KCNH7: variants seen among roughly 807,000 people sequenced by gnomAD.
The protein encoded by KCNH7 is voltage-gated inwardly rectifying potassium channel KCNH7.
Under a neutral mutation model 120.8 loss-of-function variants are expected in KCNH7, and 49 were observed. The ratio of observed to expected loss-of-function variants is 0.41; its 90% CI spans 0.32 to 0.51. The LOEUF is 0.51. Ranked by LOEUF, KCNH7 falls within the 20% of genes least tolerant of loss-of-function variation. The probability of loss-of-function intolerance (pLI) is 0.38; values close to 1 mark genes in which losing one functional copy is unlikely to be tolerated. For missense variants in KCNH7, 1,097 were observed against 1,446.6 expected (o/e 0.76, Z 3.92); for synonymous variants, 547 against 516.1 (o/e 1.06, Z -0.81).
chr2:162,439,032 A>G (rs747388577), intron 7 of KCNH7, among the ~76,000 whole-genome samples: 6 of 152,086 alleles, frequency 3.9e-5, no homozygotes, highest in Non-Finnish European at 8.8e-5. Flanking sequence ...CAACTACTCT[A>G]TTATATTGTG....
intron 9 of KCNH7, among the ~76,000 whole-genome samples, chr2:162,410,029 C>T (rs939784946): frequency 6.6e-6 from 1 of 151,938 alleles, no homozygotes; most frequent in African/African-American, 2.4e-5. Flanking sequence ...AGATTCAATG[C>T]CATTCCTGTC....
chr2:162,604,411 T>C (rs908523227), intron 2 of KCNH7, among the ~76,000 whole-genome samples: 1 of 152,118 alleles, frequency 6.6e-6, no homozygotes, highest in Non-Finnish European at 1.5e-5. Flanking sequence ...TTATAGACTA[T>C]TGCCATTCTA....
intron 8 of KCNH7, among the ~76,000 whole-genome samples, chr2:162,434,113 G>C (rs2105518413): frequency 6.6e-6 from 1 of 152,198 alleles, no homozygotes; most frequent in South Asian, 2.1e-4. Context: ...ATTATCCTAA[G>C]TGAATTAATA....
intron 2 of KCNH7, among the ~76,000 whole-genome samples, chr2:162,546,140 A>G (rs1309748798): frequency 6.6e-6 from 1 of 152,140 alleles, no homozygotes; most frequent in African/African-American, 2.4e-5. Context: ...CCCACTTCTC[A>G]GCTCTGGTTC....
At chr2:162,759,883 T>G (rs1440059925) in intron 2 of KCNH7, among the ~76,000 whole-genome samples, 1 of 152,176 alleles carries the variant, frequency 6.6e-6, no homozygotes, top group Non-Finnish European at 1.5e-5. Flanking sequence ...TGTTCTCAAC[T>G]TCACAAAAAT....
intron 2 of KCNH7, among the ~76,000 whole-genome samples, chr2:162,605,221 T>A (rs978648501): frequency 2.6e-5 from 4 of 152,092 alleles, no homozygotes; most frequent in African/African-American, 9.7e-5. Context: ...TCTTTCTTCA[T>A]CCTGTAGTGG....
At chr2:162,702,960 A>C (rs1009001939) in intron 2 of KCNH7, among the ~76,000 whole-genome samples, 1 of 152,152 alleles carries the variant, frequency 6.6e-6, no homozygotes, top group Admixed American at 6.6e-5. Flanking sequence ...CCCCAAGTGC[A>C]CTAGATCTTG....
intron 3 of KCNH7, among the ~76,000 whole-genome samples, chr2:162,520,514 C>T (rs1691483375): frequency 6.6e-6 from 1 of 151,716 alleles, no homozygotes; most frequent in African/African-American, 2.4e-5. Context: ...AATGCCAGCA[C>T]TTCGTGAAGA....
At chr2:162,815,171 T>G (rs1324464512) in intron 2 of KCNH7, among the ~76,000 whole-genome samples, 3 of 152,208 alleles carry the variant, frequency 2.0e-5, no homozygotes, top group Non-Finnish European at 4.4e-5. Flanking sequence ...ATGTTCAGTA[T>G]AAAGGAGAAG....
chr2:162,656,170 T>C (rs1684753619), intron 2 of KCNH7, among the ~76,000 whole-genome samples: 2 of 152,236 alleles, frequency 1.3e-5, no homozygotes, highest in Admixed American at 6.5e-5. Context: ...AGCTAGTCTG[T>C]TGTAAATACT....
rs1491184509 is a variant in KCNH7 at position 162,479,672 on chromosome 2, CAT to C, written c.1128+24769_1128+24770del. ...CATTAGGAAATTGTGTGTGTGTGTG[CAT>C]GTGTGTGTGTGTGTGTGTGTGTGTG... On this transcript the variant is annotated intron_variant, in intron 6 of 15. Transcript: ENST00000332142. Among the ~76,000 whole-genome samples the C allele has an allele frequency of 5.7e-4, 62 of 108,194 alleles. 1 individual carries two copies. The highest frequency in any genetic ancestry group is 1.7e-3 in the African/African-American group (37 of 21,510). The allele number at this position is 108,194 out of a possible 152,430, so 71.0% of individuals were successfully genotyped here.
At chr2:162,767,554 TA>T in intron 2 of KCNH7, among the ~76,000 whole-genome samples, 1 of 152,270 alleles carries the variant, frequency 6.6e-6, no homozygotes, top group African/African-American at 2.4e-5. Flanking sequence ...AATTATGATG[TA>T]AATTTTAAAG....
intron 12 of KCNH7, among the ~76,000 whole-genome samples, chr2:162,391,235 T>C (rs968839608): frequency 1.3e-5 from 2 of 152,106 alleles, no homozygotes; most frequent in African/African-American, 4.8e-5. Flanking sequence ...TCAGTTTCTG[T>C]ATCCACAAAT....
At position 162,708,342 on chromosome 2, in the gene KCNH7, T is replaced by C. The variant is rs116725805; in HGVS notation, c.307+128195A>G. Among the ~76,000 whole-genome samples the C allele has an allele frequency of 9.5e-3, 1,449 of 152,146 alleles. 25 individuals carry two copies. The highest frequency in any genetic ancestry group is 0.033 in the African/African-American group (1,379 of 41,534). ...AGTAAAGCTAAGGTGGGTTTATTTG[T>C]AGGCCAGGGAATATGAGGTAGGGAC... On this transcript the variant is annotated intron_variant, in intron 2 of 15. Transcript: ENST00000332142.
intron 2 of KCNH7, among the ~76,000 whole-genome samples, chr2:162,772,451 T>A (rs376239157): frequency 1.3e-5 from 2 of 152,220 alleles, no homozygotes; most frequent in East Asian, 3.8e-4. Context: ...TCAATCCCCA[T>A]GACAATAACT....
At chr2:162,429,435 G>A (rs936143944) in intron 8 of KCNH7, among the ~76,000 whole-genome samples, 11 of 64,234 alleles carry the variant, frequency 1.7e-4, no homozygotes, top group East Asian at 3.0e-4. Context: ...CTAGTTTTTC[G>A]TTCCTTTGTG....
intron 2 of KCNH7, among the ~76,000 whole-genome samples, chr2:162,786,971 C>A (rs1683731594): frequency 6.6e-6 from 1 of 152,234 alleles, no homozygotes; most frequent in Non-Finnish European, 1.5e-5. Flanking sequence ...ATATTACCTG[C>A]ATCAACCTTC....
Position 162,704,264 on chromosome 2 carries a change from C to T in KCNH7, c.307+132273G>A, listed in dbSNP as rs564607942. On this transcript the variant is annotated intron_variant, in intron 2 of 15. Transcript: ENST00000332142. ...AGAAATGTACCTGTTCCAGAGTGGG[C>T]CAATGTTGATAGATTAAAAAATTAA... Among the ~76,000 whole-genome samples, 3 of 151,902 alleles carry T rather than the reference C, an allele frequency of 2.0e-5. No individual in the cohort carries two copies. The East Asian group carries it at 5.8e-4, about 29-fold the overall frequency.
At chr2:162,776,304 G>T (rs1197414287) in intron 2 of KCNH7, among the ~76,000 whole-genome samples, 1 of 152,106 alleles carries the variant, frequency 6.6e-6, no homozygotes, top group African/African-American at 2.4e-5. Context: ...TTCAAGTCGA[G>T]GGAGGCCAAT....
Sources: allele counts gnomAD v4.1 joint callset (sites outside exome capture counted in the v4.1 genomes callset), GRCh38; gene constraint gnomAD v4.1.1; transcripts MANE v1.5; gene names NCBI Gene and HGNC (gene_info 2026-07-23, HGNC 2026-07-21).